The following PDE1C variants were observed in gnomAD, a reference collection of about 807,000 sequenced individuals.
The protein encoded by PDE1C is dual specificity calcium/calmodulin-dependent 3',5'-cyclic nucleotide phosphodiesterase 1C.
In PDE1C, 62 loss-of-function variants were observed where a neutral mutation model predicts 93.1. The observed-to-expected ratio is 0.67, with a 90% CI of 0.54 to 0.82. The LOEUF (loss-of-function observed/expected upper bound fraction) is 0.82. Among genes scored for constraint, PDE1C ranks in the 40% least tolerant of loss-of-function variants. PDE1C has a pLI of 0.00. For synonymous variants in PDE1C, 325 were observed against 310.1 expected, an observed-to-expected ratio of 1.05 and a Z score of -0.50; for missense variants, 742 against 884.6, an observed-to-expected ratio of 0.84 and a Z score of 2.04.
intron 2 of PDE1C, among the ~76,000 whole-genome samples, chr7:32,023,279 T>C (rs951469983): frequency 9.9e-5 from 15 of 152,144 alleles, no homozygotes; most frequent in African/African-American, 3.1e-4. Flanking sequence ...AAATCTCTTA[T>C]GACCCATGAT....
At chr7:31,640,661 A>G in the PDE1C span, among the ~76,000 whole-genome samples, 4 of 150,088 alleles carry the variant, frequency 2.7e-5, no homozygotes, top group African/African-American at 9.8e-5. Flanking sequence ...TTTTTTCCAC[A>G]TATCTTGTCT....
At chr7:32,018,555 G>A (rs1788223724) in intron 2 of PDE1C, among the ~76,000 whole-genome samples, 1 of 152,078 alleles carries the variant, frequency 6.6e-6, no homozygotes, top group African/African-American at 2.4e-5. Context: ...AGTGAAAGAA[G>A]CCAAACGCAA....
chr7:31,868,811 T>C (rs1795599726), intron 6 of PDE1C, among the ~76,000 whole-genome samples: 1 of 151,418 alleles, frequency 6.6e-6, no homozygotes, highest in African/African-American at 2.4e-5. Flanking sequence ...TAGTCACTTA[T>C]AAGGAAACCT....
intron 2 of PDE1C, among the ~76,000 whole-genome samples, chr7:32,208,742 G>A (rs79141711): frequency 2.7e-4 from 41 of 152,036 alleles, no homozygotes; most frequent in Non-Finnish European, 4.6e-4. Context: ...CCAGGTTTTC[G>A]TTCCAGGAAG....
chr7:31,839,301 TAC>T (rs1033154948), intron 9 of PDE1C, among the ~76,000 whole-genome samples: 31 of 150,800 alleles, frequency 2.1e-4, no homozygotes, highest in Admixed American at 1.5e-3. Flanking sequence ...ATTGAAAATA[TAC>T]ACACATATTA....
At chr7:32,182,012 C>G (rs1803476334) in intron 2 of PDE1C, among the ~76,000 whole-genome samples, 1 of 152,170 alleles carries the variant, frequency 6.6e-6, no homozygotes, top group South Asian at 2.1e-4. Flanking sequence ...TCAGAGAATA[C>G]TATAAACACC....
intron 1 of PDE1C, among the ~76,000 whole-genome samples, chr7:32,280,477 T>C (rs887828310): frequency 6.6e-6 from 1 of 152,160 alleles, no homozygotes; most frequent in East Asian, 1.9e-4. Flanking sequence ...ATCTGGATAA[T>C]GACTCTTCAT....
chr7:31,717,071 C>A, the PDE1C span, among the ~76,000 whole-genome samples: 1 of 152,168 alleles, frequency 6.6e-6, no homozygotes, highest in African/African-American at 2.4e-5. Flanking sequence ...TGCCAAGACA[C>A]AGGAAAGGCA....
chr7:31,678,343 T>A, the PDE1C span, among the ~76,000 whole-genome samples: 6 of 152,104 alleles, frequency 3.9e-5, no homozygotes, highest in South Asian at 1.0e-3. Context: ...ATAAACCCGG[T>A]ATAAAATCAA....
the PDE1C span, among the ~76,000 whole-genome samples, chr7:31,689,672 C>T: frequency 1.3e-5 from 2 of 152,128 alleles, no homozygotes; most frequent in South Asian, 2.1e-4. Flanking sequence ...ATTATACTAA[C>T]AGGCTATGAA....
intron 16 of PDE1C, among the ~76,000 whole-genome samples, chr7:31,797,236 C>A (rs897238058): frequency 1.3e-5 from 2 of 151,720 alleles, no homozygotes; most frequent in East Asian, 3.9e-4. Flanking sequence ...GATATTTGGT[C>A]CCTCTTTGCT....
chr7:31,633,011 C>T, the PDE1C span, among the ~76,000 whole-genome samples: 20 of 151,990 alleles, frequency 1.3e-4, no homozygotes, highest in Non-Finnish European at 1.3e-4. Flanking sequence ...CTCAGCCTCC[C>T]GAGTAACTGG....
At chr7:32,141,290 C>T (rs538957992) in intron 3 of PDE1C, among the ~76,000 whole-genome samples, 41 of 152,238 alleles carry the variant, frequency 2.7e-4, no homozygotes, top group Non-Finnish European at 5.0e-4. Context: ...TATTATCATG[C>T]CTGTGAATAG....
chr7:32,133,991 G>A (rs1800069305), intron 3 of PDE1C, among the ~76,000 whole-genome samples: 1 of 151,678 alleles, frequency 6.6e-6, no homozygotes, highest in Admixed American at 6.6e-5. Context: ...TAGAATTGAA[G>A]AATACTATAC....
At chr7:31,659,848 A>T in the PDE1C span, among the ~76,000 whole-genome samples, 1 of 152,168 alleles carries the variant, frequency 6.6e-6, no homozygotes, top group Non-Finnish European at 1.5e-5. Context: ...AACATCTGAT[A>T]ATAACAGTAC....
At chr7:31,776,684 T>C (rs1159258849) in intron 16 of PDE1C, among the ~76,000 whole-genome samples, 1 of 152,004 alleles carries the variant, frequency 6.6e-6, no homozygotes, top group East Asian at 1.9e-4. Context: ...AACATAAATA[T>C]TTATTTATTC....
At chr7:32,238,403 T>C (rs1184870351) in intron 1 of PDE1C, among the ~76,000 whole-genome samples, 1 of 152,240 alleles carries the variant, frequency 6.6e-6, no homozygotes, top group South Asian at 2.1e-4. Flanking sequence ...AAGATGTCAG[T>C]TCTCTCCAAA....
At chr7:31,925,096 C>T (rs558332343) in intron 2 of PDE1C, among the ~76,000 whole-genome samples, 26 of 141,106 alleles carry the variant, frequency 1.8e-4, no homozygotes, top group Non-Finnish European at 2.8e-4. Flanking sequence ...TGTGTGCATG[C>T]GCATGAGTGT....
At chr7:32,417,376 T>C (rs1785296609) in intron 1 of PDE1C, among the ~76,000 whole-genome samples, 2 of 152,012 alleles carry the variant, frequency 1.3e-5, no homozygotes, top group African/African-American at 2.4e-5. Context: ...CTCACATGTC[T>C]AATAATAAAA....
Sources: gnomAD v4.1 joint callset for allele counts (sites outside exome capture counted in the v4.1 genomes callset) on GRCh38, gnomAD v4.1.1 for gene constraint, MANE v1.5 for transcripts, NCBI Gene and HGNC (gene_info 2026-07-23, HGNC 2026-07-21) for gene names.